RNFT2: variants seen among roughly 807,000 people sequenced by gnomAD.
RNFT2 encodes the protein ring finger protein, transmembrane 2, also known as E3 ubiquitin-protein ligase RNFT2.
A neutral mutation model predicts 53.0 loss-of-function variants in RNFT2; 36 were observed. That is an observed-to-expected ratio of 0.68 (90% CI 0.52 to 0.90). The LOEUF (loss-of-function observed/expected upper bound fraction) is 0.90, where lower values mean the gene tolerates loss of function less well. Among genes scored for constraint, RNFT2 ranks in the 40% least tolerant of loss-of-function variants. RNFT2 has a pLI of 0.00. For synonymous variants in RNFT2, 260 were observed against 253.2 expected, an observed-to-expected ratio of 1.03 and a Z score of -0.26; for missense variants, 514 against 585.6, an observed-to-expected ratio of 0.88 and a Z score of 1.26.
At chr12:116,836,401 G>A (rs575646238) in intron 10 of RNFT2, 119 bp downstream of exon 10, 99 of 818,484 alleles carry the variant, frequency 1.2e-4, no homozygotes, top group East Asian at 1.6e-4. Context: ...GGTTAAGACC[G>A]GAGTCAGCCA....
intron 7 of RNFT2, among the ~76,000 whole-genome samples, chr12:116,789,700 G>A (rs1370573198): frequency 6.8e-6 from 1 of 147,360 alleles, no homozygotes; most frequent in Non-Finnish European, 1.5e-5. Context: ...ATGGATGGGT[G>A]GATGGATAAA....
chr12:116,803,044 G>A (rs1177835759), intron 7 of RNFT2, among the ~76,000 whole-genome samples: 2 of 151,964 alleles, frequency 1.3e-5, no homozygotes, highest in Non-Finnish European at 2.9e-5. Context: ...GCAGTGAGCC[G>A]AGATCACGCC....
intron 6 of RNFT2, among the ~76,000 whole-genome samples, chr12:116,773,358 A>G (rs1379784928): frequency 8.5e-5 from 13 of 152,216 alleles, no homozygotes. Context: ...ACTTAAGCAA[A>G]CAGGGAATTC....
At chr12:116,842,248 A>G (rs1471187597) in intron 10 of RNFT2, among the ~76,000 whole-genome samples, 1 of 151,826 alleles carries the variant, frequency 6.6e-6, no homozygotes, top group Non-Finnish European at 1.5e-5. Context: ...CCCAGAAGGG[A>G]CACCCCATCA....
At chr12:116,841,330 G>A (rs1033845734) in intron 10 of RNFT2, among the ~76,000 whole-genome samples, 7 of 152,144 alleles carry the variant, frequency 4.6e-5, no homozygotes, top group African/African-American at 1.7e-4. Context: ...GTGCACGCCT[G>A]TGGTCCCAGC....
intron 7 of RNFT2, among the ~76,000 whole-genome samples, chr12:116,824,436 A>G (rs1876216231): frequency 6.6e-6 from 1 of 152,234 alleles, no homozygotes; most frequent in South Asian, 2.1e-4. Context: ...AATTTAAAAA[A>G]TGTATCTCTT....
chr12:116,776,864 C>T (rs1210859415), intron 6 of RNFT2, among the ~76,000 whole-genome samples: 1 of 150,966 alleles, frequency 6.6e-6, no homozygotes, highest in Admixed American at 6.6e-5. Flanking sequence ...CGAGATGCTG[C>T]AGGAAGGTGA....
intron 7 of RNFT2, among the ~76,000 whole-genome samples, chr12:116,831,994 G>A (rs868567709): frequency 6.6e-6 from 1 of 151,366 alleles, no homozygotes; most frequent in Admixed American, 6.6e-5. Flanking sequence ...AGCCAGGCGT[G>A]GTGGTGTGTA....
chr12:116,806,824 T>A (rs1422515709), intron 7 of RNFT2, among the ~76,000 whole-genome samples: 1 of 152,130 alleles, frequency 6.6e-6, no homozygotes, highest in Non-Finnish European at 1.5e-5. Flanking sequence ...TATGAAGAGC[T>A]GCATTATTAG....
chr12:116,851,230 T>A lies in RNFT2; in HGVS notation c.*1782T>A, dbSNP rs7966211. Reference sequence around the variant, plus strand: ...TTCAGAACCCACATCTAAAAAAAAATAAATTTATTAGAGATGAGGTTTCTA... The same window carrying A: ...TTCAGAACCCACATCTAAAAAAAAAAAAATTTATTAGAGATGAGGTTTCTA... On this transcript the variant is annotated 3_prime_UTR_variant, in exon 11 of 11. Coordinates refer to ENST00000257575, the MANE Select transcript of RNFT2 (RefSeq NM_001382266.1). 141,112 of 149,712 alleles carry A rather than the reference T, an allele frequency of 0.94. 66,543 individuals carry two copies. The highest frequency in any genetic ancestry group is 0.98 in the African/African-American group (40,068 of 40,996). 9.3% of individuals were successfully genotyped at this position (149,712 alleles called of 1,614,324 possible). A position where few individuals can be genotyped will look rare whatever the true frequency, so the allele number is the denominator to read the frequency against.
rs35911608 is a variant in RNFT2 at position 116,771,460 on chromosome 12, TAAAAAAAAAAAA to T, written c.728+4570_728+4581del. On this transcript the variant is annotated intron_variant, in intron 6 of 10. Coordinates refer to ENST00000257575, the MANE Select transcript of RNFT2 (RefSeq NM_001382266.1). ...GGGTGACAAAATGAGATCCTATCGTTAAAAAAAAAAAAAAAAAAAAAAAAAAAAAAAAAAATA... is the reference window on the plus strand; with the variant it reads ...GGGTGACAAAATGAGATCCTATCGTTAAAAAAAAAAAAAAAAAAAAAAATA... Among the ~76,000 whole-genome samples the T allele has an allele frequency of 8.1e-4, 52 of 64,122 alleles. 1 individual carries two copies. In the East Asian group the frequency reaches 0.01, roughly 13 times the overall value. 42.1% of individuals were successfully genotyped at this position (64,122 alleles called of 152,430 possible).
intron 7 of RNFT2, among the ~76,000 whole-genome samples, chr12:116,780,991 C>T (rs1054304407): frequency 3.3e-5 from 5 of 152,180 alleles, no homozygotes; most frequent in Non-Finnish European, 7.3e-5. Flanking sequence ...AACAATAGCG[C>T]CTTCCTCCAA....
intron 10 of RNFT2, among the ~76,000 whole-genome samples, chr12:116,840,016 C>T (rs1206597543): frequency 2.0e-5 from 3 of 152,210 alleles, no homozygotes; most frequent in Non-Finnish European, 2.9e-5. Context: ...TGCCCTCTGA[C>T]AGGCTACAGG....
At chr12:116,762,726 C>T (rs573754482) in intron 5 of RNFT2, among the ~76,000 whole-genome samples, 1 of 152,196 alleles carries the variant, frequency 6.6e-6, no homozygotes, top group East Asian at 1.9e-4. Flanking sequence ...ATTCTCCTGC[C>T]TCAGCCTCCT....
At chr12:116,846,324 G>T (rs988940551) in intron 10 of RNFT2, among the ~76,000 whole-genome samples, 2 of 151,950 alleles carry the variant, frequency 1.3e-5, no homozygotes, top group Non-Finnish European at 2.9e-5. Context: ...CCAGGCTGGA[G>T]TGAAGTGGCA....
rs775478129 is a variant in RNFT2 at position 116,850,620 on chromosome 12, C to CTTTTTTCTTTTTTCT, written c.*1178_*1179insCTTTTTTCTTTTTTT. Reference sequence around the variant, plus strand: ...TGTGAAGTATTTTTTCTTTTCTTTTCTTTTTTTTTTTTTTTTTGTTGTTGT... The same window carrying CTTTTTTCTTTTTTCT: ...TGTGAAGTATTTTTTCTTTTCTTTTCTTTTTTCTTTTTTCTTTTTTTTTTTTTTTTTTGTTGTTGT... On this transcript the variant is annotated 3_prime_UTR_variant, in exon 11 of 11. Transcript: ENST00000257575. The CTTTTTTCTTTTTTCT allele has an allele frequency of 1.1e-4, 15 of 131,036 alleles. No homozygotes were observed. Among genetic ancestry groups the CTTTTTTCTTTTTTCT allele is most frequent in the Non-Finnish European group, 1.5e-4 (9 of 61,756 alleles). The allele number at this position is 131,036 out of a possible 1,614,324, so 8.1% of individuals were successfully genotyped here.
intron 7 of RNFT2, among the ~76,000 whole-genome samples, chr12:116,827,233 AAG>A (rs1250758060): frequency 7.3e-5 from 10 of 137,254 alleles, no homozygotes; most frequent in African/African-American, 2.2e-4. Flanking sequence ...AAAAAAAAAA[AAG>A]AAAGAAAGAA....
chr12:116,784,490 A>G (rs1012246482), intron 7 of RNFT2, among the ~76,000 whole-genome samples: 2 of 152,156 alleles, frequency 1.3e-5, no homozygotes, highest in Non-Finnish European at 2.9e-5. Flanking sequence ...GTACGAAAAA[A>G]CATGGCTGCC....
chr12:116,803,707 C>A (rs117581426), intron 7 of RNFT2, among the ~76,000 whole-genome samples: 2,741 of 152,282 alleles, frequency 0.018, 48 homozygotes, highest in South Asian at 0.064. Flanking sequence ...AAATCACCAT[C>A]CCCCAGGATG....
Sources: allele counts gnomAD v4.1 joint callset (sites outside exome capture counted in the v4.1 genomes callset), GRCh38; gene constraint gnomAD v4.1.1; transcripts MANE v1.5; gene names NCBI Gene and HGNC (gene_info 2026-07-23, HGNC 2026-07-21).